Variants in PTPRG observed in about 807,000 individuals in gnomAD.
The protein encoded by PTPRG is receptor-type tyrosine-protein phosphatase gamma.
In PTPRG, 102 loss-of-function variants were observed where a neutral mutation model predicts 165.3. That is an observed-to-expected ratio of 0.62 (90% CI 0.53 to 0.73). PTPRG has a LOEUF of 0.73. Ranked by LOEUF, PTPRG falls within the 30% of genes least tolerant of loss-of-function variation. The pLI is 0.00. For missense variants in PTPRG, 1,866 were observed against 1,861.4 expected (o/e 1.00, Z -0.05); for synonymous variants, 675 against 669.5 (o/e 1.01, Z -0.13).
chr3:62,212,900 C>T (rs1324388601), intron 12 of PTPRG, among the ~76,000 whole-genome samples: 2 of 152,182 alleles, frequency 1.3e-5, no homozygotes, highest in Admixed American at 1.3e-4. Flanking sequence ...CCAGGGTTGC[C>T]AGTTCATAAC....
chr3:62,181,671 A>G (rs970510723), intron 8 of PTPRG, among the ~76,000 whole-genome samples: 1 of 152,170 alleles, frequency 6.6e-6, no homozygotes, highest in African/African-American at 2.4e-5. Flanking sequence ...TTATCTTCTC[A>G]TATTGATGGT....
Position 62,286,493 on chromosome 3 carries a change from G to T in PTPRG, c.4055+3624G>T, listed in dbSNP as rs187905784. Among the ~76,000 whole-genome samples, 10 of 151,974 alleles carry T rather than the reference G, an allele frequency of 6.6e-5. No individual in the cohort carries two copies. The East Asian group carries it at 1.9e-3, about 29-fold the overall frequency. On this transcript the variant is annotated intron_variant, in intron 28 of 29. Coordinates refer to ENST00000474889, the MANE Select transcript of PTPRG (RefSeq NM_002841.4). ...TATGAAATAGTGAAAATGGTTAAAT[G>T]CTCACAGGTATTATCCTGACTATAC...
chr3:62,039,507 T>G (rs981446778), intron 4 of PTPRG, among the ~76,000 whole-genome samples: 2 of 152,054 alleles, frequency 1.3e-5, no homozygotes, highest in African/African-American at 4.8e-5. Context: ...TTGTGATGGG[T>G]GTTTATTCTA....
At chr3:62,136,869 A>T (rs993505093) in intron 6 of PTPRG, among the ~76,000 whole-genome samples, 1 of 152,210 alleles carries the variant, frequency 6.6e-6, no homozygotes, top group Non-Finnish European at 1.5e-5. Flanking sequence ...AGTCTTGGGC[A>T]TGTCTTTATG....
chr3:62,236,186 A>G lies in PTPRG; in HGVS notation c.2375+4875A>G, dbSNP rs528557562. Among the ~76,000 whole-genome samples, 4 of 152,348 alleles carry G rather than the reference A, an allele frequency of 2.6e-5. No homozygotes were observed. In the South Asian group the frequency reaches 6.2e-4, roughly 24 times the overall value. On this transcript the variant is annotated intron_variant, in intron 14 of 29. Coordinates refer to ENST00000474889, the MANE Select transcript of PTPRG (RefSeq NM_002841.4). ...TGAAAAATCTCAACTTAGAACTTAC[A>G]TTGGGCTCCTTTCCAAGTGGAATCC...
At chr3:62,183,916 T>C (rs1438895193) in intron 8 of PTPRG, among the ~76,000 whole-genome samples, 2 of 152,202 alleles carry the variant, frequency 1.3e-5, no homozygotes, top group African/African-American at 4.8e-5. Context: ...CTGACATCTT[T>C]ATTAGCATCT....
chr3:62,292,590 A>G (rs17066338), intron 29 of PTPRG, 34 bp downstream of exon 29: 19,092 of 1,602,404 alleles, frequency 0.012, 391 homozygotes, highest in African/African-American at 0.085. Context: ...AACCTGTACT[A>G]CATCAGTTGA....
At chr3:62,189,698 C>G (rs996016495) in intron 8 of PTPRG, among the ~76,000 whole-genome samples, 1 of 152,206 alleles carries the variant, frequency 6.6e-6, no homozygotes, top group Admixed American at 6.5e-5. Context: ...AGGCCCCCTC[C>G]TCCACACTTG....
intron 1 of PTPRG, chr3:61,743,143 C>T: frequency 8.7e-7 from 1 of 1,144,502 alleles, no homozygotes; most frequent in East Asian, 2.5e-5. Context: ...AAGAGCGGGT[C>T]TGGTAATATT....
chr3:61,832,237 G>T (rs951739323), intron 2 of PTPRG, among the ~76,000 whole-genome samples: 3 of 152,168 alleles, frequency 2.0e-5, no homozygotes, highest in Non-Finnish European at 2.9e-5. Context: ...GGAGATAGAA[G>T]CTCCACTTTC....
intron 5 of PTPRG, among the ~76,000 whole-genome samples, chr3:62,131,223 C>T: frequency 6.6e-6 from 1 of 152,128 alleles, no homozygotes; most frequent in Non-Finnish European, 1.5e-5. Flanking sequence ...AGTAGCCCCT[C>T]CCCTTCTCAT....
chr3:62,157,413 G>A (rs1406726972), intron 7 of PTPRG, among the ~76,000 whole-genome samples, 189 bp downstream of exon 7: 2 of 152,180 alleles, frequency 1.3e-5, no homozygotes, highest in African/African-American at 2.4e-5. Flanking sequence ...TGGTTTCTTA[G>A]CCGCAAATGA....
At chr3:62,236,604 G>A (rs1285859868) in intron 14 of PTPRG, among the ~76,000 whole-genome samples, 1 of 152,160 alleles carries the variant, frequency 6.6e-6, no homozygotes, top group Non-Finnish European at 1.5e-5. Context: ...GCCCTCTCTA[G>A]TCTGCAATTA....
intron 13 of PTPRG, among the ~76,000 whole-genome samples, chr3:62,220,340 T>A (rs571076237): frequency 5.9e-4 from 90 of 152,292 alleles, no homozygotes; most frequent in African/African-American, 1.9e-3. Flanking sequence ...CTGTGTTGAA[T>A]ACAGACTGAA....
intron 1 of PTPRG, among the ~76,000 whole-genome samples, chr3:61,685,990 G>T (rs972546510): frequency 6.6e-6 from 1 of 152,126 alleles, no homozygotes; most frequent in South Asian, 2.1e-4. Flanking sequence ...GGGTATGAGT[G>T]GGAGCGCCGT....
rs1700320239 is a variant in PTPRG at position 62,210,005 on chromosome 3, G to C, written c.2155+6055G>C. On this transcript the variant is annotated intron_variant, in intron 12 of 29. Coordinates refer to ENST00000474889, the MANE Select transcript of PTPRG (RefSeq NM_002841.4). This position sits in a 1 kb window ranked among gnomAD's most constrained non-coding sequence, Gnocchi z 4.1. ...AGTGGTGGCCGTCTGATAGGTTAGGGCTTGCCGTCTTTTAGGGGCTTGGAA... is the reference window on the plus strand; with the variant it reads ...AGTGGTGGCCGTCTGATAGGTTAGGCCTTGCCGTCTTTTAGGGGCTTGGAA... Among the ~76,000 whole-genome samples the C allele has an allele frequency of 6.6e-6, 1 of 152,180 alleles. No homozygotes were observed. Among genetic ancestry groups the C allele is most frequent in the Non-Finnish European group, 1.5e-5 (1 of 68,034 alleles).
intron 2 of PTPRG, among the ~76,000 whole-genome samples, chr3:61,941,781 C>G (rs1468743217): frequency 6.6e-6 from 1 of 152,144 alleles, no homozygotes; most frequent in African/African-American, 2.4e-5. Flanking sequence ...TTGACTCACA[C>G]TCTATTGGCT....
chr3:62,024,870 C>T (rs1012902844), intron 4 of PTPRG, among the ~76,000 whole-genome samples: 1 of 152,082 alleles, frequency 6.6e-6, no homozygotes, highest in Non-Finnish European at 1.5e-5. Context: ...TTTCGACATG[C>T]GATTTTCCAA....
chr3:61,569,897 A>G (rs1400664009), intron 1 of PTPRG, among the ~76,000 whole-genome samples: 1 of 152,208 alleles, frequency 6.6e-6, no homozygotes, highest in Non-Finnish European at 1.5e-5. Flanking sequence ...ATTGCAAAGG[A>G]GGTCTCTGCT....
Sources: gnomAD v4.1 joint callset for allele counts (sites outside exome capture counted in the v4.1 genomes callset) on GRCh38, gnomAD v4.1.1 for gene constraint, Gnocchi (gnomAD v3.1) non-coding constraint, MANE v1.5 for transcripts, NCBI Gene and HGNC (gene_info 2026-07-23, HGNC 2026-07-21) for gene names.